The following CEP170B variants were observed in gnomAD, a reference collection of about 807,000 sequenced individuals.
The protein encoded by CEP170B is centrosomal protein 170B.
CEP170B carries 55 observed loss-of-function variants against 120.6 expected under a neutral mutation model. The ratio of observed to expected loss-of-function variants is 0.46; its 90% CI spans 0.37 to 0.57. CEP170B has a LOEUF of 0.57. CEP170B is among the 20% of genes least tolerant of loss of function. CEP170B has a pLI of 0.00. For synonymous variants in CEP170B, 1,033 were observed against 954.5 expected, an observed-to-expected ratio of 1.08 and a Z score of -1.52; for missense variants, 2,212 against 2,253.3, an observed-to-expected ratio of 0.98 and a Z score of 0.37.
chr14:104,881,216 G>A (rs1398664753), intron 6 of CEP170B, among the ~76,000 whole-genome samples: 7 of 152,130 alleles, frequency 4.6e-5, no homozygotes, highest in Non-Finnish European at 8.8e-5. Flanking sequence ...ACGAGGGTCC[G>A]CGTGGGTCCG....
Position 104,883,036 on chromosome 14 carries a change from G to A in CEP170B, c.579G>A (p.Glu193=). Residue 193 remains glutamate (E), a splice_region_variant and synonymous_variant, in exon 8 of 19, where the codon GAG becomes GAA. Transcript: ENST00000414716. ...DAQRQGEPYP[E]RPKGPVQQDG... Reference sequence around the variant, plus strand: ...TCTGAAGACATCTTCCCACACCAGAGCGCCCCAAGGGACCAGTGCAGCAGG... The same window carrying A: ...TCTGAAGACATCTTCCCACACCAGAACGCCCCAAGGGACCAGTGCAGCAGG... 6.6e-7 allele frequency: 1 copy of A among 1,511,908 alleles called. No individual in the cohort carries two copies. The allele number at this position is 1,511,908 out of a possible 1,614,324, so 93.7% of individuals were successfully genotyped here. A position where few individuals can be genotyped will look rare whatever the true frequency, so the allele number is the denominator to read the frequency against.
chr14:104,874,773 A>C (rs2841232), intron 2 of CEP170B, among the ~76,000 whole-genome samples: 89,499 of 147,094 alleles, frequency 0.61, 27,266 homozygotes, highest in Middle Eastern at 0.79. Flanking sequence ...TCTGCAGCGC[A>C]ACCACCGTGG....
At position 104,887,765 on chromosome 14, in the gene CEP170B, C is replaced by T. The variant is rs752160900; in HGVS notation, c.3526C>T (p.Arg1176Trp). ...GGACATCCTGGCCATGCCCCGGAAGCGGGCCGGCTCCTTCACAGGGACTAG... is the reference window on the plus strand; with the variant it reads ...GGACATCCTGGCCATGCCCCGGAAGTGGGCCGGCTCCTTCACAGGGACTAG... The part of the protein sequence containing the change: ...RLDILAMPRK[R>W]AGSFTGTSDP... The change falls in exon 12 of 19, where the codon CGG (arginine) becomes TGG (tryptophan). Residue 1176 changes from arginine to tryptophan, a missense_variant. Arg to Trp is a moderately radical substitution (Grantham distance 101). This residue lies in a region of CEP170B where 2,166 missense variants were observed against 2,166.7 expected (regional missense o/e 1.00). Coordinates refer to ENST00000414716, the MANE Select transcript of CEP170B (RefSeq NM_001112726.3). 7.0e-6 allele frequency: 11 copies of T among 1,577,778 alleles called. No homozygotes were observed. Among genetic ancestry groups the T allele is most frequent in the East Asian group, 4.6e-5 (2 of 43,556 alleles).
At chr14:104,866,060 CTG>C (rs1895188458) in intron 1 of CEP170B, among the ~76,000 whole-genome samples, 3 of 152,242 alleles carry the variant, frequency 2.0e-5, no homozygotes. Flanking sequence ...TCACCTCTGA[CTG>C]TGGCCCTTCC....
chr14:104,894,067 C>T (rs919287277), intron 16 of CEP170B: 6 of 653,032 alleles, frequency 9.2e-6, no homozygotes, highest in African/African-American at 9.0e-5. Context: ...CTCCCCTTCT[C>T]CCCTAGCCCT....
chr14:104,886,936 G>A lies in CEP170B; in HGVS notation c.2697G>A (p.Arg899=). ...HPLLQDLAAT[R]AARMDFHSQD... ...TTCTACAGGACCTGGCCGCTACCCG[G>A]GCCGCACGCATGGACTTCCACTCCC... The change falls in exon 12 of 19, where the codon CGG becomes CGA. Residue 899 remains arginine (R), a synonymous_variant. Coordinates refer to ENST00000414716, the MANE Select transcript of CEP170B (RefSeq NM_001112726.3). 1 of 1,609,056 alleles carries A rather than the reference G, an allele frequency of 6.2e-7. No homozygotes were observed. Among genetic ancestry groups the A allele is most frequent in the African/African-American group, 1.3e-5 (1 of 75,060 alleles).
In CEP170B at chr14:104,884,091, C is replaced by T. The variant is rs1864794084; in HGVS notation, c.1312C>T (p.Pro438Ser). ...GDPKADKRRG[P>S]TPADRDRPSV... is the part of the protein sequence containing the mutation. Reference sequence around the variant, plus strand: ...CCCCAAGGCCGACAAGCGCCGTGGCCCAACGCCGGCCGATAGGGACCGCCC... The same window carrying T: ...CCCCAAGGCCGACAAGCGCCGTGGCTCAACGCCGGCCGATAGGGACCGCCC... The change falls in exon 9 of 19, where the codon CCA becomes TCA. Residue 438 changes from proline (P) to serine (S), a missense_variant. Around this residue, in one of 2 missense-constraint regions of CEP170B, gnomAD observed 2,166 missense variants for 2,166.7 expected, o/e 1.00. Coordinates refer to ENST00000414716, the MANE Select transcript of CEP170B (RefSeq NM_001112726.3). 3 of 1,589,092 alleles carry T rather than the reference C, an allele frequency of 1.9e-6. No individual in the cohort carries two copies. The Admixed American group carries it at 5.3e-5, about 28-fold the overall frequency.
At position 104,893,018 on chromosome 14, in the gene CEP170B, G is replaced by T; in HGVS notation, c.3921G>T (p.Gln1307His). 1 of 1,585,096 alleles carries T rather than the reference G, an allele frequency of 6.3e-7. No individual in the cohort carries two copies. The part of the protein sequence containing the change: ...TLVKDVAILA[Q>H]EIHDVAGDGD... ...TGAAGGACGTGGCCATCCTAGCCCA[G>T]GAGATCCACGATGTGGCTGGGGACG... The change falls in exon 14 of 19, where the codon CAG becomes CAT. Residue 1307 changes from glutamine to histidine, a missense_variant. Around this residue, in one of 2 missense-constraint regions of CEP170B, gnomAD observed 2,166 missense variants for 2,166.7 expected, o/e 1.00. Transcript: ENST00000414716.
At position 104,885,447 on chromosome 14, in the gene CEP170B, G is replaced by A. The variant is rs768846975; in HGVS notation, c.1849G>A (p.Asp617Asn). 9.0e-6 allele frequency: 14 copies of A among 1,563,596 alleles called. No homozygotes were observed. Among genetic ancestry groups the A allele is most frequent in the Admixed American group, 5.7e-5 (3 of 52,206 alleles). ...TCGCCCAGTCATCAGAGGGGACAGA[G>A]ATGAGTCTGATGACGGGGGCGTGGC... is the stretch of plus-strand genomic sequence containing the variant. The part of the protein sequence containing the change: ...TFRPVIRGDR[D>N]ESDDGGVAQR... Residue 617 changes from aspartate (D) to asparagine (N), a missense_variant, in exon 10 of 19, where the codon GAT (aspartate) becomes AAT (asparagine). This residue lies in a region of CEP170B where 2,166 missense variants were observed against 2,166.7 expected (regional missense o/e 1.00). Transcript: ENST00000414716.
chr14:104,885,552 C>T lies in CEP170B; in HGVS notation c.1944+10C>T. 1.3e-6 allele frequency: 2 copies of T among 1,549,776 alleles called. No homozygotes were observed. Among genetic ancestry groups the T allele is most frequent in the Non-Finnish European group, 1.7e-6 (2 of 1,154,416 alleles). ...CCAGGCGGAGCACCAGGTACAGGCA[C>T]AGACGGCCACCCCAAGGAGGGGCTG... is the stretch of plus-strand genomic sequence containing the variant. On this transcript the variant is annotated intron_variant, in intron 10 of 18. Coordinates refer to ENST00000414716, the MANE Select transcript of CEP170B (RefSeq NM_001112726.3).
intron 3 of CEP170B, 69 bp from the exon 4 acceptor site, chr14:104,877,816 C>A: frequency 1.5e-6 from 1 of 660,790 alleles, no homozygotes; most frequent in South Asian, 2.3e-5. Flanking sequence ...CCCCACCACC[C>A]TGCGGCCCTG....
At chr14:104,877,781 T>A in intron 3 of CEP170B, 104 bp from the exon 4 acceptor site, 3 of 616,312 alleles carry the variant, frequency 4.9e-6, no homozygotes, top group East Asian at 2.9e-5. Flanking sequence ...CCCGCGGCCC[T>A]GCCCACTGCC....
At chr14:104,892,345 C>T (rs951899385) in intron 13 of CEP170B, among the ~76,000 whole-genome samples, 5 of 152,126 alleles carry the variant, frequency 3.3e-5, no homozygotes, top group Non-Finnish European at 7.4e-5. Context: ...CCCCTGGGCA[C>T]ATCCTAGGGG....
chr14:104,885,050 G>C (rs1383153628), intron 9 of CEP170B, among the ~76,000 whole-genome samples: 9 of 129,336 alleles, frequency 7.0e-5, no homozygotes, highest in South Asian at 5.1e-4. Context: ...CGTGGGGAAC[G>C]GGGGGTGGAG....
At position 104,894,398 on chromosome 14, in the gene CEP170B, G is replaced by A; in HGVS notation, c.4365+20G>A. 1.9e-6 allele frequency: 3 copies of A among 1,610,078 alleles called. No homozygotes were observed. The highest frequency in any genetic ancestry group is 2.5e-6 in the Non-Finnish European group (3 of 1,177,104). On this transcript the variant is annotated intron_variant, in intron 17 of 18. Transcript: ENST00000414716. ...AACAAGGTGAGCGCTGGGGCCCCGT[G>A]CCCCTTGGCCTGCCCCCAGCCAGCC...
At chr14:104,877,646 T>G (rs1237821891) in intron 3 of CEP170B, among the ~76,000 whole-genome samples, 1 of 152,150 alleles carries the variant, frequency 6.6e-6, no homozygotes, top group Non-Finnish European at 1.5e-5. Flanking sequence ...TCCATCATGG[T>G]CCCTGCAGTG....
intron 16 of CEP170B, 141 bp from the exon 17 acceptor site, chr14:104,894,144 C>A: frequency 1.4e-6 from 1 of 705,566 alleles, no homozygotes; most frequent in East Asian, 2.7e-5. Flanking sequence ...GCCCTTCATG[C>A]ATCAGGCCTC....
In CEP170B at chr14:104,884,156, G is replaced by C. The variant is rs745952726; in HGVS notation, c.1377G>C (p.Ser459=). Reference sequence around the variant, plus strand: ...CAGTCCAGGCAGGGGGCCGCAGCTCGGGGCCACAGAGGGCCGGCTCGCTCA... The same window carrying C: ...CAGTCCAGGCAGGGGGCCGCAGCTCCGGGCCACAGAGGGCCGGCTCGCTCA... ...PAPVQAGGRS[S]GPQRAGSLKR... is the part of the protein sequence containing the mutation. Residue 459 remains serine (S), a synonymous_variant, in exon 9 of 19, where the codon TCG becomes TCC. Coordinates refer to ENST00000414716, the MANE Select transcript of CEP170B (RefSeq NM_001112726.3). The C allele has an allele frequency of 6.4e-7, 1 of 1,553,452 alleles. No homozygotes were observed. Among genetic ancestry groups the C allele is most frequent in the Non-Finnish European group, 8.7e-7 (1 of 1,150,506 alleles).
chr14:104,887,222 C>A lies in CEP170B; in HGVS notation c.2983C>A (p.Pro995Thr), dbSNP rs1183340241. 1 of 1,605,906 alleles carries A rather than the reference C, an allele frequency of 6.2e-7. No individual in the cohort carries two copies. The highest frequency in any genetic ancestry group is 2.2e-5 in the East Asian group (1 of 44,874). Residue 995 changes from proline to threonine, a missense_variant, in exon 12 of 19, where the codon CCG (proline) becomes ACG (threonine). Coordinates refer to ENST00000414716, the MANE Select transcript of CEP170B (RefSeq NM_001112726.3). ...GCCATCCCCGCCAGCTGCACAGGACCCGGGAGGCACCGCCCTGGTCAGTGC... is the reference window on the plus strand; with the variant it reads ...GCCATCCCCGCCAGCTGCACAGGACACGGGAGGCACCGCCCTGGTCAGTGC... ...MSPSPPAAQD[P>T]GGTALVSARE...
Sources: gnomAD v4.1 joint callset for allele counts (sites outside exome capture counted in the v4.1 genomes callset) on GRCh38, gnomAD v4.1.1 for gene constraint, gnomAD v4.1.1 regional missense constraint, MANE v1.5 for transcripts, NCBI Gene and HGNC (gene_info 2026-07-23, HGNC 2026-07-21) for gene names.